Variants in MYO5C observed in about 807,000 individuals in gnomAD.
MYO5C encodes the protein unconventional myosin-Vc.
Under a neutral mutation model 235.7 loss-of-function variants are expected in MYO5C, and 194 were observed. The observed-to-expected ratio is 0.82, with a 90% CI of 0.73 to 0.93. The LOEUF (loss-of-function observed/expected upper bound fraction) is 0.93, where lower values mean the gene tolerates loss of function less well. Ranked by LOEUF, MYO5C falls within the 40% of genes least tolerant of loss-of-function variation. MYO5C has a pLI of 0.00. For missense variants in MYO5C, 2,038 were observed against 2,127.2 expected, an observed-to-expected ratio of 0.96 and a Z score of 0.82; for synonymous variants, 707 against 754.8, an observed-to-expected ratio of 0.94 and a Z score of 1.04.
chr15:52,245,922 AC>A (rs1378756541), intron 17 of MYO5C, 33 bp downstream of exon 17: 1 of 1,574,872 alleles, frequency 6.3e-7, no homozygotes, highest in East Asian at 2.2e-5. Context: ...GATGTCAGGT[AC>A]TTTTCCCTCC....
chr15:52,202,022 A>G (rs1419773174), intron 38 of MYO5C, among the ~76,000 whole-genome samples: 2 of 152,064 alleles, frequency 1.3e-5, no homozygotes, highest in African/African-American at 4.8e-5. Flanking sequence ...AACCAGAAGC[A>G]ACAAGCAGAA....
intron 20 of MYO5C, among the ~76,000 whole-genome samples, chr15:52,241,403 G>A (rs1362427693): frequency 1.3e-5 from 2 of 151,854 alleles, no homozygotes; most frequent in Non-Finnish European, 2.9e-5. Flanking sequence ...GGGACTACAG[G>A]TGCCCGTCAC....
At chr15:52,251,326 C>T in intron 13 of MYO5C, 64 bp downstream of exon 13, 2 of 1,472,066 alleles carry the variant, frequency 1.4e-6, no homozygotes, top group Non-Finnish European at 1.8e-6. Context: ...CCTGGCCTGC[C>T]TACTCCTTCT....
Position 52,232,665 on chromosome 15 carries a change from T to TG in MYO5C, c.2982dup (p.Lys995GlnfsTer5). On this transcript the variant is annotated frameshift_variant, in exon 24 of 41. Transcript: ENST00000261839. LOFTEE classifies it high-confidence loss of function. ...TTTTGTACATCATCAAAGAGCTGCT[T>TG]GGTGAGGTTGTCCATTTTTTCTGTA... 6.2e-7 allele frequency: 1 copy of TG among 1,613,942 alleles called. No individual in the cohort carries two copies. Among genetic ancestry groups the TG allele is most frequent in the Non-Finnish European group, 8.5e-7 (1 of 1,179,988 alleles).
intron 9 of MYO5C, among the ~76,000 whole-genome samples, chr15:52,263,844 T>C (rs1402968087): frequency 6.6e-6 from 1 of 152,200 alleles, no homozygotes; most frequent in Non-Finnish European, 1.5e-5. Flanking sequence ...GTCTCCTCCC[T>C]ACCCTTGATC....
At chr15:52,194,580 GATTT>G (rs1399278079) in intron 40 of MYO5C, among the ~76,000 whole-genome samples, 4 of 151,734 alleles carry the variant, frequency 2.6e-5, no homozygotes, top group South Asian at 4.2e-4. Context: ...TAATTAAAAT[GATTT>G]ATTAATTCAT....
chr15:52,233,669 A>G (rs966682770), intron 23 of MYO5C, among the ~76,000 whole-genome samples: 1 of 152,248 alleles, frequency 6.6e-6, no homozygotes, highest in African/African-American at 2.4e-5. Flanking sequence ...ACTGAAATAC[A>G]AGAGTCGCAA....
At chr15:52,198,390 G>T (rs1229836032) in intron 38 of MYO5C, among the ~76,000 whole-genome samples, 1 of 152,118 alleles carries the variant, frequency 6.6e-6, no homozygotes, top group African/African-American at 2.4e-5. Context: ...GCCCCATGTG[G>T]GTCTTCTTTC....
chr15:52,242,296 T>C (rs565307953), intron 19 of MYO5C, 83 bp from the exon 20 acceptor site: 6 of 1,433,792 alleles, frequency 4.2e-6, no homozygotes, highest in Non-Finnish European at 4.7e-6. Flanking sequence ...GGCTAGCATG[T>C]GTTTATAAGG....
intron 20 of MYO5C, among the ~76,000 whole-genome samples, chr15:52,241,625 G>A (rs1348907133): frequency 6.6e-6 from 1 of 152,168 alleles, no homozygotes; most frequent in Non-Finnish European, 1.5e-5. Context: ...TCTGTTAGGT[G>A]TATATCCTGT....
chr15:52,258,579 C>T (rs189943098), intron 10 of MYO5C, among the ~76,000 whole-genome samples: 4 of 152,158 alleles, frequency 2.6e-5, no homozygotes, highest in Non-Finnish European at 5.9e-5. Context: ...TTCCTTATTT[C>T]CAAGTCAAAA....
At position 52,247,455 on chromosome 15, in the gene MYO5C, T is replaced by C; in HGVS notation, c.1881+3A>G. On this transcript the variant is annotated splice_donor_region_variant and intron_variant, in intron 15 of 40. Transcript: ENST00000261839. ...CCCTCACTCTCAAACACCTTCTCAG[T>C]ACCTTGCTCCCAACTGTGGTCCGGA... is the stretch of plus-strand genomic sequence containing the variant. 6.2e-7 allele frequency: 1 copy of C among 1,614,024 alleles called. No individual in the cohort carries two copies. The highest frequency in any genetic ancestry group is 8.5e-7 in the Non-Finnish European group (1 of 1,179,928).
At chr15:52,270,712 A>G (rs2036905205) in intron 7 of MYO5C, among the ~76,000 whole-genome samples, 1 of 151,510 alleles carries the variant, frequency 6.6e-6, no homozygotes, top group Admixed American at 6.6e-5. Context: ...ATATATACAC[A>G]TACATCTAAT....
At chr15:52,228,994 T>C in intron 25 of MYO5C, 139 bp downstream of exon 25, 2 of 901,328 alleles carry the variant, frequency 2.2e-6, no homozygotes, top group Non-Finnish European at 3.3e-6. Context: ...AGGTGCACAG[T>C]TGGAAGGACT....
At chr15:52,286,559 G>A (rs375163757) in intron 1 of MYO5C, among the ~76,000 whole-genome samples, 10 of 151,960 alleles carry the variant, frequency 6.6e-5, no homozygotes, top group East Asian at 3.9e-4. Flanking sequence ...TGTAGAAAGA[G>A]GTAGACATGG....
At chr15:52,220,934 C>T (rs1217329833) in intron 30 of MYO5C, among the ~76,000 whole-genome samples, 7 of 152,096 alleles carry the variant, frequency 4.6e-5, no homozygotes, top group African/African-American at 2.4e-5. Flanking sequence ...CACCGCTTCC[C>T]AAAGTGCTGG....
Position 52,242,202 on chromosome 15 carries a change from GTAA to G in MYO5C, c.2399_2401del (p.Ile800del). ...CCAAGCTTCTTTTAAGGCCACTGCA[GTAA>G]TAGCTTTCCTTGGTTAACAAGGATG... On this transcript the variant is annotated inframe_deletion, in exon 20 of 41. Coordinates refer to ENST00000261839, the MANE Select transcript of MYO5C (RefSeq NM_018728.4). 1 of 1,611,818 alleles carries G rather than the reference GTAA, an allele frequency of 6.2e-7. No homozygotes were observed. Among genetic ancestry groups the G allele is most frequent in the Non-Finnish European group, 8.5e-7 (1 of 1,178,776 alleles).
intron 12 of MYO5C, among the ~76,000 whole-genome samples, chr15:52,252,669 G>A (rs540802728): frequency 2.0e-5 from 3 of 152,066 alleles, no homozygotes; most frequent in African/African-American, 7.2e-5. Context: ...CAGCTACTCC[G>A]GAGGCTGGAA....
intron 14 of MYO5C, 112 bp downstream of exon 14, chr15:52,248,586 TCA>T (rs35030676): frequency 0.04 from 23,886 of 595,492 alleles, 54 homozygotes; most frequent in Admixed American, 0.068. Flanking sequence ...TCCAGAGAGT[TCA>T]CACACACACA....
Sources: allele counts gnomAD v4.1 joint callset (sites outside exome capture counted in the v4.1 genomes callset), GRCh38; gene constraint gnomAD v4.1.1; transcripts MANE v1.5; gene names NCBI Gene and HGNC (gene_info 2026-07-23, HGNC 2026-07-21).